ZNF610: variants seen among roughly 807,000 people sequenced by gnomAD.
The protein encoded by ZNF610 is zinc finger protein 610.
A neutral mutation model predicts 14.1 loss-of-function variants in ZNF610; 14 were observed. The observed-to-expected ratio is 0.99, with a 90% CI of 0.65 to 1.55. The LOEUF (loss-of-function observed/expected upper bound fraction) is 1.55. ZNF610 is among the 40% of genes most tolerant of loss of function. ZNF610 has a pLI of 0.00. For missense variants in ZNF610, 530 were observed against 558.0 expected, an observed-to-expected ratio of 0.95 and a Z score of 0.51; for synonymous variants, 185 against 187.6, an observed-to-expected ratio of 0.99 and a Z score of 0.11.
chr19:52,356,143 G>C (rs904081404), intron 5 of ZNF610, among the ~76,000 whole-genome samples: 7 of 152,248 alleles, frequency 4.6e-5, no homozygotes, highest in African/African-American at 1.4e-4. Context: ...CAGGAACCGG[G>C]GAAGAGACCA....
At chr19:52,337,021 A>G (rs937449043) in intron 1 of ZNF610, among the ~76,000 whole-genome samples, 1 of 152,242 alleles carries the variant, frequency 6.6e-6, no homozygotes, top group Admixed American at 6.5e-5. Flanking sequence ...AGCAGACGGC[A>G]GAGAGTAGCT....
At chr19:52,335,837 A>T (rs1464657025), upstream of ZNF610, among the ~76,000 whole-genome samples, 1 of 152,138 alleles carries the variant, frequency 6.6e-6, no homozygotes, top group Non-Finnish European at 1.5e-5. Context: ...AAATTGTTAA[A>T]ATTAGTTTTT....
intron 5 of ZNF610, 137 bp from the exon 6 acceptor site, chr19:52,365,561 C>G (rs1425006269): frequency 1.3e-6 from 1 of 782,520 alleles, no homozygotes; most frequent in South Asian, 1.8e-5. Context: ...GTGTTTTCAG[C>G]TCTCACAATG....
chr19:52,350,467 C>T (rs1264507556), intron 3 of ZNF610, among the ~76,000 whole-genome samples: 1 of 151,980 alleles, frequency 6.6e-6, no homozygotes, highest in Non-Finnish European at 1.5e-5. Flanking sequence ...CACCTGAGGT[C>T]AGGAGTTTGA....
chr19:52,344,968 G>A (rs1021057350), intron 1 of ZNF610: 2 of 152,192 alleles, frequency 1.3e-5, no homozygotes, highest in African/African-American at 4.8e-5. Context: ...ATTTTTAGTA[G>A]AGACAGTTTC....
upstream of ZNF610, among the ~76,000 whole-genome samples, chr19:52,332,090 G>A (rs773573480): frequency 9.8e-5 from 15 of 152,308 alleles, no homozygotes; most frequent in African/African-American, 2.4e-4. The surrounding 1 kb of genome is among the most constrained non-coding windows in gnomAD (Gnocchi z 4.1). Context: ...TGCCGGCAGC[G>A]GATATAAGGT....
chr19:52,335,540 C>T (rs1050545092), upstream of ZNF610, among the ~76,000 whole-genome samples: 1 of 152,102 alleles, frequency 6.6e-6, no homozygotes, highest in Admixed American at 6.5e-5. Flanking sequence ...ACTCAGTGGA[C>T]TGGGAAAGGC....
intron 1 of ZNF610, among the ~76,000 whole-genome samples, chr19:52,338,195 T>C (rs1046158090): frequency 6.6e-6 from 1 of 152,248 alleles, no homozygotes; most frequent in Non-Finnish European, 1.5e-5. Flanking sequence ...GGGTTGGGAC[T>C]TGAACCTTGT....
intron 1 of ZNF610, among the ~76,000 whole-genome samples, chr19:52,338,900 G>A (rs554305678): frequency 5.0e-4 from 76 of 151,382 alleles, no homozygotes; most frequent in African/African-American, 1.7e-3. Context: ...CCAGGGGACC[G>A]GCGCTCAGCA....
At chr19:52,365,242 A>C (rs1985964190) in intron 5 of ZNF610, among the ~76,000 whole-genome samples, 1 of 151,982 alleles carries the variant, frequency 6.6e-6, no homozygotes, top group African/African-American at 2.4e-5. Flanking sequence ...CGTCTCAAAA[A>C]AAAAAAAAAA....
rs758771916 is a variant in ZNF610 at position 52,365,730 on chromosome 19, A to G, written c.352A>G (p.Asn118Asp). The G allele has an allele frequency of 2.2e-5, 36 of 1,611,700 alleles. No individual in the cohort carries two copies. The Middle Eastern group carries it at 4.3e-3, about 192-fold the overall frequency. Reference sequence around the variant, plus strand: ...CTGTGTATTGGGAAGCAATGCAGAAAACAAGCCTATTAAAAATCAACTTGG... The same window carrying G: ...CTGTGTATTGGGAAGCAATGCAGAAGACAAGCCTATTAAAAATCAACTTGG... ...RSCVLGSNAE[N>D]KPIKNQLGLT... Residue 118 changes from asparagine (N) to aspartate (D), a missense_variant, in exon 6 of 6, where the codon AAC becomes GAC. Transcript: ENST00000403906.
chr19:52,350,939 G>A (rs1985220736), intron 3 of ZNF610, among the ~76,000 whole-genome samples: 1 of 152,126 alleles, frequency 6.6e-6, no homozygotes, highest in Non-Finnish European at 1.5e-5. Flanking sequence ...GGTGGAGGCT[G>A]CAGTGAGCCA....
At chr19:52,359,693 A>C (rs117806700) in intron 5 of ZNF610, among the ~76,000 whole-genome samples, 4 of 152,270 alleles carry the variant, frequency 2.6e-5, no homozygotes, top group Non-Finnish European at 5.9e-5. Flanking sequence ...TTTTTCCCAC[A>C]CATCAAGCAA....
chr19:52,350,126 G>T (rs1191336173), intron 3 of ZNF610, among the ~76,000 whole-genome samples: 1 of 152,142 alleles, frequency 6.6e-6, no homozygotes, highest in African/African-American at 2.4e-5. Context: ...ACAGAGATTG[G>T]AGCATAAATT....
At chr19:52,355,815 G>A (rs1042642921) in intron 5 of ZNF610, among the ~76,000 whole-genome samples, 1 of 152,250 alleles carries the variant, frequency 6.6e-6, no homozygotes, top group Non-Finnish European at 1.5e-5. Flanking sequence ...AGCCAGATGA[G>A]GAGATTCACA....
upstream of ZNF610, among the ~76,000 whole-genome samples, chr19:52,332,554 A>G (rs948232781): frequency 3.3e-5 from 5 of 152,196 alleles, no homozygotes; most frequent in Non-Finnish European, 5.9e-5. The surrounding 1 kb of genome is among the most constrained non-coding windows in gnomAD (Gnocchi z 4.1). Context: ...AAAACAGGAG[A>G]AGGAGGATAA....
At chr19:52,353,930 A>G in intron 4 of ZNF610, 122 bp downstream of exon 4, 1 of 1,299,640 alleles carries the variant, frequency 7.7e-7, no homozygotes, top group East Asian at 2.3e-5. Flanking sequence ...TGACTCAGAA[A>G]TGAAAAGCTC....
chr19:52,338,213 CAACT>C (rs1197940326), intron 1 of ZNF610, among the ~76,000 whole-genome samples: 3 of 152,336 alleles, frequency 2.0e-5, no homozygotes, highest in East Asian at 1.9e-4. Context: ...TGTGACCAAC[CAACT>C]ATGAACCGGG....
chr19:52,345,852 T>C (rs532762582), intron 1 of ZNF610, among the ~76,000 whole-genome samples: 165 of 149,874 alleles, frequency 1.1e-3, no homozygotes, highest in Admixed American at 1.7e-3. Flanking sequence ...CTACAGGCGC[T>C]CACCACCACG....
Sources: gnomAD v4.1 joint callset for allele counts (sites outside exome capture counted in the v4.1 genomes callset) on GRCh38, gnomAD v4.1.1 for gene constraint, Gnocchi (gnomAD v3.1) non-coding constraint, MANE v1.5 for transcripts, NCBI Gene and HGNC (gene_info 2026-07-23, HGNC 2026-07-21) for gene names.